GPR39: variants seen among roughly 807,000 people sequenced by gnomAD.
GPR39 encodes the protein G protein-coupled receptor 39, also known as zinc sensing receptor.
A neutral mutation model predicts 18.4 loss-of-function variants in GPR39; 23 were observed. The ratio of observed to expected loss-of-function variants is 1.25; its 90% CI spans 0.90 to 1.77. The LOEUF (loss-of-function observed/expected upper bound fraction) is 1.77. Ranked by LOEUF, GPR39 falls within the 40% of genes most tolerant of loss-of-function variation. The pLI, the probability that GPR39 is intolerant of heterozygous loss-of-function variation, is 0.00. For missense variants in GPR39, 647 were observed against 602.4 expected, an observed-to-expected ratio of 1.07 and a Z score of -0.78; for synonymous variants, 280 against 257.9, an observed-to-expected ratio of 1.09 and a Z score of -0.82.
At chr2:132,511,385 A>C (rs1679239188) in intron 1 of GPR39, among the ~76,000 whole-genome samples, 1 of 152,238 alleles carries the variant, frequency 6.6e-6, no homozygotes, top group Non-Finnish European at 1.5e-5. Flanking sequence ...AAATACAATT[A>C]AAAATAAAAT....
At chr2:132,551,141 C>T (rs768156474) in intron 1 of GPR39, among the ~76,000 whole-genome samples, 2 of 152,114 alleles carry the variant, frequency 1.3e-5, no homozygotes, top group African/African-American at 2.4e-5. Context: ...AGCAGCTCAA[C>T]GATGTTAGAG....
chr2:132,479,391 G>C (rs1242983014), intron 1 of GPR39, among the ~76,000 whole-genome samples: 1 of 152,190 alleles, frequency 6.6e-6, no homozygotes, highest in Non-Finnish European at 1.5e-5. Flanking sequence ...TATTTGAGCT[G>C]TAAATATTTG....
intron 1 of GPR39, among the ~76,000 whole-genome samples, chr2:132,455,054 T>A (rs1680696300): frequency 6.6e-6 from 1 of 152,242 alleles, no homozygotes. Context: ...TCAGAAGGAA[T>A]GGTACCAGTT....
chr2:132,483,029 G>C (rs1681264000), intron 1 of GPR39, among the ~76,000 whole-genome samples: 1 of 152,158 alleles, frequency 6.6e-6, no homozygotes. Flanking sequence ...GATTGCCTGA[G>C]TTCTGATATG....
At chr2:132,460,883 T>C (rs1030877781) in intron 1 of GPR39, among the ~76,000 whole-genome samples, 6 of 152,210 alleles carry the variant, frequency 3.9e-5, no homozygotes, top group Admixed American at 3.3e-4. Flanking sequence ...GGGTTGGGCT[T>C]TGGGTGTATG....
At chr2:132,552,180 G>A (rs141655161) in intron 1 of GPR39, among the ~76,000 whole-genome samples, 61 of 152,232 alleles carry the variant, frequency 4.0e-4, no homozygotes, top group Middle Eastern at 3.4e-3. Flanking sequence ...CATTGTTTTA[G>A]GTATTTGATA....
intron 1 of GPR39, among the ~76,000 whole-genome samples, chr2:132,594,945 AG>A: frequency 6.6e-6 from 1 of 152,270 alleles, no homozygotes; most frequent in South Asian, 2.1e-4. Context: ...GCTATAATGA[AG>A]GCTATGTAAG....
rs188340726 is a variant in GPR39 at position 132,480,941 on chromosome 2, A to G, written c.856+63043A>G. On this transcript the variant is annotated intron_variant, in intron 1 of 1. Transcript: ENST00000329321. ...TTAAGGGCGAGTTGCACATTTTCAA[A>G]TGTGGGTCTCTCAAGAGTTCGTTCA... 3.8e-3 allele frequency among the ~76,000 whole-genome samples: 579 copies of G among 152,288 alleles called. 1 individual carries two copies. Among genetic ancestry groups the G allele is most frequent in the Non-Finnish European group, 6.7e-3 (453 of 68,026 alleles).
intron 1 of GPR39, among the ~76,000 whole-genome samples, chr2:132,466,645 A>G (rs1226059396): frequency 6.6e-6 from 1 of 152,232 alleles, no homozygotes; most frequent in Non-Finnish European, 1.5e-5. Flanking sequence ...GAAACTAAAC[A>G]CATAGGCAGA....
At chr2:132,480,673 G>T (rs1164016506) in intron 1 of GPR39, among the ~76,000 whole-genome samples, 1 of 152,162 alleles carries the variant, frequency 6.6e-6, no homozygotes, top group Admixed American at 6.5e-5. Flanking sequence ...CAATGCTAAC[G>T]AGAAAATGAT....
chr2:132,603,327 G>T (rs904587855), intron 1 of GPR39, among the ~76,000 whole-genome samples: 2 of 152,134 alleles, frequency 1.3e-5, no homozygotes, highest in South Asian at 2.1e-4. Context: ...AAAAAAAATT[G>T]ACATCATAGA....
intron 1 of GPR39, among the ~76,000 whole-genome samples, chr2:132,508,588 C>CT (rs5834317): frequency 0.45 from 67,656 of 152,000 alleles, 15,879 homozygotes; most frequent in Non-Finnish European, 0.51. Context: ...ATTGAAATGA[C>CT]TAACAAGCCA....
intron 1 of GPR39, among the ~76,000 whole-genome samples, chr2:132,544,680 G>C (rs961573906): frequency 1.3e-5 from 2 of 152,216 alleles, no homozygotes; most frequent in Non-Finnish European, 2.9e-5. Context: ...GTGTGCACCA[G>C]TCCGCCAGCA....
intron 1 of GPR39, among the ~76,000 whole-genome samples, chr2:132,470,104 T>A (rs1681003152): frequency 6.6e-6 from 1 of 152,182 alleles, no homozygotes; most frequent in Admixed American, 6.5e-5. Context: ...GCAAGAGCTG[T>A]GATCACAGGT....
chr2:132,591,165 G>A (rs1680829615), intron 1 of GPR39, among the ~76,000 whole-genome samples: 2 of 146,740 alleles, frequency 1.4e-5, no homozygotes, highest in African/African-American at 5.0e-5. Context: ...GCAGGAGAAT[G>A]GCGTGAACCC....
At chr2:132,467,336 G>A (rs1416050930) in intron 1 of GPR39, among the ~76,000 whole-genome samples, 3 of 152,078 alleles carry the variant, frequency 2.0e-5, no homozygotes, top group Non-Finnish European at 2.9e-5. Flanking sequence ...GCATGTTCTC[G>A]CTTATAAGTG....
chr2:132,456,237 T>G (rs1325155797), intron 1 of GPR39, among the ~76,000 whole-genome samples: 2 of 152,118 alleles, frequency 1.3e-5, no homozygotes, highest in Non-Finnish European at 2.9e-5. Flanking sequence ...GTAATGGCCT[T>G]CTTTGTCTCT....
chr2:132,609,227 G>C (rs1681197666), intron 1 of GPR39, among the ~76,000 whole-genome samples: 1 of 152,188 alleles, frequency 6.6e-6, no homozygotes. Flanking sequence ...GGAAGAGGTA[G>C]GTTTCTTCTT....
At chr2:132,553,765 C>A (rs1573663551) in intron 1 of GPR39, among the ~76,000 whole-genome samples, 2 of 152,124 alleles carry the variant, frequency 1.3e-5, no homozygotes, top group African/African-American at 4.8e-5. Flanking sequence ...TGAACCCAGA[C>A]CACCTGGCTT....
Sources: gnomAD v4.1 joint callset for allele counts (sites outside exome capture counted in the v4.1 genomes callset) on GRCh38, gnomAD v4.1.1 for gene constraint, MANE v1.5 for transcripts, NCBI Gene and HGNC (gene_info 2026-07-23, HGNC 2026-07-21) for gene names.